The following MAP3K13 variants were observed in gnomAD, a reference collection of about 807,000 sequenced individuals.
MAP3K13 encodes the protein mitogen-activated protein kinase kinase kinase 13.
In MAP3K13, 52 loss-of-function variants were observed where a neutral mutation model predicts 104.0. The observed-to-expected ratio is 0.50, with a 90% CI of 0.40 to 0.63. MAP3K13 has a LOEUF of 0.63. MAP3K13 is among the 20% of genes least tolerant of loss of function. The pLI, the probability that MAP3K13 is intolerant of heterozygous loss-of-function variation, is 0.00. For synonymous variants in MAP3K13, 394 were observed against 442.2 expected, an observed-to-expected ratio of 0.89 and a Z score of 1.37; for missense variants, 914 against 1,218.5, an observed-to-expected ratio of 0.75 and a Z score of 3.72.
intron 2 of MAP3K13, among the ~76,000 whole-genome samples, chr3:185,304,071 T>A (rs1373666518): frequency 6.6e-6 from 1 of 152,252 alleles, no homozygotes; most frequent in Non-Finnish European, 1.5e-5. Context: ...ATTTCTTGTT[T>A]GACCAATTAG....
chr3:185,300,456 G>A (rs947481289), intron 2 of MAP3K13, among the ~76,000 whole-genome samples: 18 of 150,914 alleles, frequency 1.2e-4, no homozygotes, highest in African/African-American at 3.7e-4. Context: ...TTACAGGCGT[G>A]AGCCACCACG....
chr3:185,298,634 A>G (rs1320608492), intron 2 of MAP3K13, among the ~76,000 whole-genome samples: 1 of 152,218 alleles, frequency 6.6e-6, no homozygotes, highest in South Asian at 2.1e-4. Flanking sequence ...TTGATGAGTA[A>G]CGGGAGAAAA....
Position 185,455,056 on chromosome 3 carries a change from TGTGAG to T in MAP3K13, c.1278+3662_1278+3666del, listed in dbSNP as rs1560118247. Among the ~76,000 whole-genome samples, 27 of 92,442 alleles carry T rather than the reference TGTGAG, an allele frequency of 2.9e-4. 1 individual carries two copies. The highest frequency in any genetic ancestry group is 7.4e-4 in the Admixed American group (5 of 6,738). 60.6% of individuals were successfully genotyped at this position (92,442 alleles called of 152,430 possible). ...ATATATGATATATATATGAGATATA[TGTGAG>T]ATATATATGAGATATATGTGAGATA... is the stretch of plus-strand genomic sequence containing the variant. On this transcript the variant is annotated intron_variant, in intron 7 of 13. Coordinates refer to ENST00000265026, the MANE Select transcript of MAP3K13 (RefSeq NM_004721.5).
intron 7 of MAP3K13, among the ~76,000 whole-genome samples, chr3:185,455,341 G>T (rs1488217943): frequency 9.4e-6 from 1 of 106,004 alleles, no homozygotes; most frequent in African/African-American, 3.5e-5. Flanking sequence ...ATATATATGA[G>T]ATATATATGA....
chr3:185,325,749 C>T (rs1312787939), intron 2 of MAP3K13, among the ~76,000 whole-genome samples: 1 of 152,154 alleles, frequency 6.6e-6, no homozygotes, highest in Non-Finnish European at 1.5e-5. Context: ...TGCTGAAAAC[C>T]TTCCCATGGC....
chr3:185,430,098 G>A (rs1714658876), intron 2 of MAP3K13, among the ~76,000 whole-genome samples: 1 of 152,012 alleles, frequency 6.6e-6, no homozygotes, highest in Non-Finnish European at 1.5e-5. Context: ...TATTTGGGAG[G>A]CTGAGGCACA....
chr3:185,392,615 C>T (rs567702236), intron 1 of MAP3K13, among the ~76,000 whole-genome samples: 50 of 152,310 alleles, frequency 3.3e-4, no homozygotes, highest in African/African-American at 1.2e-3. Flanking sequence ...TAGAGGGCTG[C>T]ACTTTGTTCT....
At chr3:185,466,779 T>C in intron 9 of MAP3K13, 47 bp from the exon 10 acceptor site, 1 of 1,610,902 alleles carries the variant, frequency 6.2e-7, no homozygotes, top group Non-Finnish European at 8.5e-7. Flanking sequence ...CTGCCTATCC[T>C]TTCTGTCTGC....
At chr3:185,295,630 C>A (rs1720895214) in intron 2 of MAP3K13, among the ~76,000 whole-genome samples, 1 of 152,156 alleles carries the variant, frequency 6.6e-6, no homozygotes, top group Non-Finnish European at 1.5e-5. Context: ...TTCCAAGAAG[C>A]CTTCCTCCAT....
At chr3:185,333,087 C>T (rs1049077023) in intron 2 of MAP3K13, among the ~76,000 whole-genome samples, 4 of 152,152 alleles carry the variant, frequency 2.6e-5, no homozygotes, top group African/African-American at 9.7e-5. Flanking sequence ...GTGAACTCTT[C>T]ATATTCTTTG....
intron 1 of MAP3K13, among the ~76,000 whole-genome samples, chr3:185,390,929 C>T (rs1381114509): frequency 6.6e-6 from 1 of 152,058 alleles, no homozygotes; most frequent in Non-Finnish European, 1.5e-5. Flanking sequence ...CCGATATTTT[C>T]CTTTCTTATA....
chr3:185,435,333 G>A (rs1415085356), intron 2 of MAP3K13, among the ~76,000 whole-genome samples: 1 of 151,998 alleles, frequency 6.6e-6, no homozygotes. Context: ...TTTGTCACTG[G>A]ACCCCTAATG....
In MAP3K13 at chr3:185,423,248, G is replaced by A. The variant is rs1269754094; in HGVS notation, c.-85-5249G>A. 6.6e-6 allele frequency among the ~76,000 whole-genome samples: 1 copy of A among 152,170 alleles called. No homozygotes were observed. Among genetic ancestry groups the A allele is most frequent in the Non-Finnish European group, 1.5e-5 (1 of 68,038 alleles). ...TGAAACCATCCCCCCTGCCTGGTCC[G>A]TGGAAGTAGTGTCTTCCACAAAACT... On this transcript the variant is annotated intron_variant, in intron 1 of 13. Transcript: ENST00000265026. This position sits in a 1 kb window ranked among gnomAD's most constrained non-coding sequence, Gnocchi z 4.1.
At chr3:185,430,563 G>C (rs1714684587) in intron 2 of MAP3K13, among the ~76,000 whole-genome samples, 1 of 151,984 alleles carries the variant, frequency 6.6e-6, no homozygotes, top group Non-Finnish European at 1.5e-5. Context: ...TTGGTTTTCT[G>C]TTCTTGCATT....
chr3:185,321,060 G>C (rs563456726), intron 2 of MAP3K13, among the ~76,000 whole-genome samples: 31 of 151,204 alleles, frequency 2.1e-4, no homozygotes, highest in Non-Finnish European at 4.1e-4. Flanking sequence ...ATATACACAT[G>C]CATGCACACA....
At chr3:185,295,312 T>C (rs1160611939) in intron 2 of MAP3K13, among the ~76,000 whole-genome samples, 1 of 152,136 alleles carries the variant, frequency 6.6e-6, no homozygotes, top group Non-Finnish European at 1.5e-5. Flanking sequence ...TTCAAGCAGT[T>C]CTCTGCCTCT....
chr3:185,345,247 A>G (rs929073244), intron 2 of MAP3K13, among the ~76,000 whole-genome samples: 3 of 152,144 alleles, frequency 2.0e-5, no homozygotes, highest in African/African-American at 7.2e-5. Flanking sequence ...ACATACACAC[A>G]CACACACACG....
chr3:185,482,610 A>G lies in MAP3K13; in HGVS notation c.*154A>G, dbSNP rs1718529381. ...CTAGAAATGAGCTGCAATAACAGGA[A>G]CATGAGACTTCGCAAATCTCTGGAA... On this transcript the variant is annotated 3_prime_UTR_variant, in exon 14 of 14. Coordinates refer to ENST00000265026, the MANE Select transcript of MAP3K13 (RefSeq NM_004721.5). This position sits in a 1 kb window ranked among gnomAD's most constrained non-coding sequence, Gnocchi z 4.5. 5 of 561,194 alleles carry G rather than the reference A, an allele frequency of 8.9e-6. No homozygotes were observed. In the South Asian group the frequency reaches 1.0e-4, roughly 11 times the overall value. 34.8% of individuals were successfully genotyped at this position (561,194 alleles called of 1,614,324 possible). A position where few individuals can be genotyped will look rare whatever the true frequency, so the allele number is the denominator to read the frequency against.
At chr3:185,463,309 G>A (rs1717220211) in intron 7 of MAP3K13, among the ~76,000 whole-genome samples, 1 of 152,210 alleles carries the variant, frequency 6.6e-6, no homozygotes, top group Non-Finnish European at 1.5e-5. Flanking sequence ...AGTGCTGGAG[G>A]AAAACTCGGA....
Sources: gnomAD v4.1 joint callset for allele counts (sites outside exome capture counted in the v4.1 genomes callset) on GRCh38, gnomAD v4.1.1 for gene constraint, Gnocchi (gnomAD v3.1) non-coding constraint, MANE v1.5 for transcripts, NCBI Gene and HGNC (gene_info 2026-07-23, HGNC 2026-07-21) for gene names.